ADAMTSL1: variants seen among roughly 807,000 people sequenced by gnomAD.
ADAMTSL1 encodes the protein ADAMTS-like protein 1.
In ADAMTSL1, 126 loss-of-function variants were observed where a neutral mutation model predicts 201.8. That is an observed-to-expected ratio of 0.62 (90% CI 0.54 to 0.72). The LOEUF is 0.72. Among genes scored for constraint, ADAMTSL1 ranks in the 30% least tolerant of loss-of-function variants. The pLI, the probability that ADAMTSL1 is intolerant of heterozygous loss-of-function variation, is 0.00. For synonymous variants in ADAMTSL1, 1,121 were observed against 903.4 expected, an observed-to-expected ratio of 1.24 and a Z score of -4.32; for missense variants, 2,679 against 2,277.8, an observed-to-expected ratio of 1.18 and a Z score of -3.59.
intron 23 of ADAMTSL1, among the ~76,000 whole-genome samples, chr9:18,848,725 T>C (rs1826289950): frequency 6.6e-6 from 1 of 152,168 alleles, no homozygotes; most frequent in Admixed American, 6.5e-5. Flanking sequence ...AAGTGCCAGA[T>C]AGGAAATAGT....
At chr9:18,401,405 G>A (rs919068919) in intron 2 of ADAMTSL1, among the ~76,000 whole-genome samples, 1 of 152,176 alleles carries the variant, frequency 6.6e-6, no homozygotes, top group Admixed American at 6.5e-5. Context: ...CAGCCTTTCA[G>A]CTTAATCTCT....
At chr9:18,574,347 C>A in intron 4 of ADAMTSL1, 81 bp downstream of exon 4, 1 of 1,182,862 alleles carries the variant, frequency 8.5e-7, no homozygotes, top group Non-Finnish European at 1.3e-6. Flanking sequence ...GTCTCACTCT[C>A]TGAATCACTC....
At chr9:18,844,989 C>T (rs1329841163) in intron 23 of ADAMTSL1, among the ~76,000 whole-genome samples, 5 of 152,256 alleles carry the variant, frequency 3.3e-5, no homozygotes, top group East Asian at 1.9e-4. Context: ...CCTTGCGCTT[C>T]CCGAGTGAGG....
At chr9:18,452,646 T>C (rs929550909) in intron 2 of ADAMTSL1, among the ~76,000 whole-genome samples, 1 of 152,220 alleles carries the variant, frequency 6.6e-6, no homozygotes, top group Admixed American at 6.5e-5. Context: ...AGGCATAAGA[T>C]AGACATTCCC....
chr9:18,545,631 C>T (rs1272872442), intron 3 of ADAMTSL1, among the ~76,000 whole-genome samples: 1 of 152,126 alleles, frequency 6.6e-6, no homozygotes, highest in East Asian at 1.9e-4. Flanking sequence ...CTCCTTTGAG[C>T]GTCTCTGCCT....
intron 4 of ADAMTSL1, among the ~76,000 whole-genome samples, chr9:18,588,849 G>C (rs1009076435): frequency 3.9e-5 from 4 of 101,424 alleles, no homozygotes; most frequent in Non-Finnish European, 8.9e-5. Context: ...ATGCTGTTGG[G>C]GTTACTATAG....
chr9:18,271,746 A>G (rs9407894), intron 2 of ADAMTSL1, among the ~76,000 whole-genome samples: 46,858 of 151,990 alleles, frequency 0.31, 7,856 homozygotes, highest in Admixed American at 0.49. Context: ...CTGAGGGATC[A>G]CCACACTGTC....
At chr9:18,585,937 C>A (rs1287019701) in intron 4 of ADAMTSL1, among the ~76,000 whole-genome samples, 1 of 152,026 alleles carries the variant, frequency 6.6e-6, no homozygotes, top group Non-Finnish European at 1.5e-5. Flanking sequence ...AAGGAAAATA[C>A]CCTAAAACAA....
At chr9:18,029,353 G>C (rs1322404834) in intron 1 of ADAMTSL1, among the ~76,000 whole-genome samples, 2 of 152,108 alleles carry the variant, frequency 1.3e-5, no homozygotes, top group South Asian at 4.1e-4. Context: ...TATGGAGAAA[G>C]CTGAAACTGG....
At chr9:18,249,938 G>A (rs10810934) in intron 2 of ADAMTSL1, among the ~76,000 whole-genome samples, 6 of 151,948 alleles carry the variant, frequency 3.9e-5, no homozygotes, top group South Asian at 4.1e-4. Context: ...TTCCCCAATG[G>A]AATCATGTAC....
chr9:18,296,687 T>A (rs1343639545), intron 2 of ADAMTSL1, among the ~76,000 whole-genome samples: 1 of 152,216 alleles, frequency 6.6e-6, no homozygotes, highest in Non-Finnish European at 1.5e-5. Flanking sequence ...TTAGTTCCTA[T>A]GTATTTTACT....
At chr9:18,503,560 T>C (rs1306313351) in intron 1 of ADAMTSL1, among the ~76,000 whole-genome samples, 2 of 151,998 alleles carry the variant, frequency 1.3e-5, no homozygotes, top group Non-Finnish European at 2.9e-5. Context: ...TTCATTGTTG[T>C]AGTATCTTTA....
intron 23 of ADAMTSL1, among the ~76,000 whole-genome samples, chr9:18,837,630 C>T (rs1351729898): frequency 6.6e-6 from 1 of 152,232 alleles, no homozygotes; most frequent in Non-Finnish European, 1.5e-5. Flanking sequence ...GCGCCATACT[C>T]AAGGGGATCC....
At chr9:17,908,613 C>G (rs999359297) in intron 1 of ADAMTSL1, among the ~76,000 whole-genome samples, 1 of 152,048 alleles carries the variant, frequency 6.6e-6, no homozygotes, top group Non-Finnish European at 1.5e-5. Context: ...TTTGCCACGA[C>G]GCCTGGCTAA....
chr9:18,753,275 C>G (rs755766292), intron 15 of ADAMTSL1, 23 bp from the exon 16 acceptor site: 2 of 1,598,254 alleles, frequency 1.3e-6, no homozygotes, highest in African/African-American at 2.7e-5. Context: ...GGTGTGTCCT[C>G]TTCCTCTCTG....
intron 2 of ADAMTSL1, among the ~76,000 whole-genome samples, chr9:18,337,070 G>A (rs1327144658): frequency 3.9e-5 from 6 of 152,068 alleles, no homozygotes; most frequent in African/African-American, 1.2e-4. Flanking sequence ...TGAGGGTGTT[G>A]CCCAAGGAGA....
chr9:18,681,695 T>TGAG lies in ADAMTSL1; in HGVS notation c.1342-116_1342-115insAGG, dbSNP rs201108118. ...GGTATAAATTTACCAGGAGTCCTCG[T>TGAG]GTGGGGGGGGGGGGCGGGGAAAAAG... On this transcript the variant is annotated intron_variant, in intron 11 of 28. Transcript: ENST00000380548. 2,117 of 286,504 alleles carry TGAG rather than the reference T, an allele frequency of 7.4e-3. 17 individuals carry two copies. The highest frequency in any genetic ancestry group is 0.012 in the East Asian group (204 of 17,116). 17.7% of individuals were successfully genotyped at this position (286,504 alleles called of 1,614,324 possible).
intron 2 of ADAMTSL1, among the ~76,000 whole-genome samples, chr9:18,531,430 A>G (rs1819436748): frequency 2.0e-5 from 3 of 151,986 alleles, no homozygotes; most frequent in Middle Eastern, 3.4e-3. Context: ...TGTCTAGGAC[A>G]TTGCTGGACT....
At chr9:18,556,990 G>A (rs1821145960) in intron 3 of ADAMTSL1, among the ~76,000 whole-genome samples, 1 of 151,942 alleles carries the variant, frequency 6.6e-6, no homozygotes, top group African/African-American at 2.4e-5. Context: ...TTGGGTATCT[G>A]TAGGAGGAAT....
Sources: gnomAD v4.1 joint callset for allele counts (sites outside exome capture counted in the v4.1 genomes callset) on GRCh38, gnomAD v4.1.1 for gene constraint, MANE v1.5 for transcripts, NCBI Gene and HGNC (gene_info 2026-07-23, HGNC 2026-07-21) for gene names.